The following XRN1 variants were observed in gnomAD, a reference collection of about 807,000 sequenced individuals.
The protein encoded by XRN1 is strand-exchange protein 1 homolog.
A neutral mutation model predicts 222.3 loss-of-function variants in XRN1; 67 were observed. The ratio of observed to expected loss-of-function variants is 0.30; its 90% CI spans 0.25 to 0.37. XRN1 has a LOEUF of 0.37. XRN1 is among the 10% of genes least tolerant of loss of function. XRN1 has a pLI of 1.00. For missense variants in XRN1, 1,707 were observed against 2,000.2 expected, an observed-to-expected ratio of 0.85 and a Z score of 2.80; for synonymous variants, 643 against 652.4, an observed-to-expected ratio of 0.99 and a Z score of 0.22.
At chr3:142,317,894 C>T (rs2065251195) in intron 39 of XRN1, among the ~76,000 whole-genome samples, 2 of 149,380 alleles carry the variant, frequency 1.3e-5, no homozygotes, top group African/African-American at 5.0e-5. Context: ...TTTCTCAACA[C>T]AAACTCTTTT....
Position 142,345,144 on chromosome 3 carries a change from C to T in XRN1, c.3877+2090G>A, listed in dbSNP as rs767484832. Reference sequence around the variant, plus strand: ...TGAGATGGTGTCTTAATATGTTTCCCGGGCTGGACTCAAACTCCTGGGTTC... The same window carrying T: ...TGAGATGGTGTCTTAATATGTTTCCTGGGCTGGACTCAAACTCCTGGGTTC... On this transcript the variant is annotated intron_variant, in intron 33 of 40. Transcript: ENST00000392981. 5.9e-5 allele frequency among the ~76,000 whole-genome samples: 9 copies of T among 152,198 alleles called. No individual in the cohort carries two copies. In the South Asian group the frequency reaches 8.3e-4, roughly 14 times the overall value.
At chr3:142,398,747 T>C (rs369162673) in intron 19 of XRN1, among the ~76,000 whole-genome samples, 21 of 152,144 alleles carry the variant, frequency 1.4e-4, no homozygotes, top group Non-Finnish European at 4.4e-5. Context: ...ACAGGAAATA[T>C]GTGGGATAGA....
chr3:142,343,784 T>A (rs946385453), intron 33 of XRN1, among the ~76,000 whole-genome samples: 1 of 152,174 alleles, frequency 6.6e-6, no homozygotes, highest in South Asian at 2.1e-4. Context: ...ATCTCCACTT[T>A]CATGTTTGTT....
intron 23 of XRN1, among the ~76,000 whole-genome samples, chr3:142,377,602 A>G (rs1461896249): frequency 6.6e-6 from 1 of 152,160 alleles, no homozygotes; most frequent in Non-Finnish European, 1.5e-5. Flanking sequence ...GTCCTGCCCA[A>G]ATTGCCAACA....
chr3:142,399,813 A>G (rs1168681222), intron 19 of XRN1, among the ~76,000 whole-genome samples: 2 of 150,026 alleles, frequency 1.3e-5, no homozygotes, highest in African/African-American at 2.5e-5. Context: ...AAAAAAAAAA[A>G]GACATTTCGG....
At chr3:142,414,866 T>C (rs1359082551) in intron 13 of XRN1, among the ~76,000 whole-genome samples, 5 of 152,218 alleles carry the variant, frequency 3.3e-5, no homozygotes, top group Non-Finnish European at 4.4e-5. Flanking sequence ...GAAAAACACG[T>C]ATAATGTAAT....
chr3:142,371,110 A>C, intron 26 of XRN1, 129 bp downstream of exon 26: 7 of 771,150 alleles, frequency 9.1e-6, no homozygotes, highest in Admixed American at 2.9e-5. Flanking sequence ...CATTCGGGCA[A>C]GAGAGTAAGA....
chr3:142,333,797 T>A (rs935929374), intron 34 of XRN1, among the ~76,000 whole-genome samples: 1 of 152,256 alleles, frequency 6.6e-6, no homozygotes, highest in South Asian at 2.1e-4. Flanking sequence ...AGAAGACGCA[T>A]CATCTGCAAG....
chr3:142,362,447 A>T (rs900638333), intron 29 of XRN1, among the ~76,000 whole-genome samples: 1 of 151,216 alleles, frequency 6.6e-6, no homozygotes, highest in African/African-American at 2.4e-5. Flanking sequence ...TAATTTTTGT[A>T]TTTTTAGTAG....
intron 33 of XRN1, among the ~76,000 whole-genome samples, chr3:142,345,636 T>C (rs1394548521): frequency 6.6e-6 from 1 of 152,010 alleles, no homozygotes; most frequent in Admixed American, 6.6e-5. Context: ...TGGGAGAAAA[T>C]ATTTGCAAAT....
At chr3:142,430,846 A>G (rs1014024956) in intron 2 of XRN1, among the ~76,000 whole-genome samples, 1 of 152,180 alleles carries the variant, frequency 6.6e-6, no homozygotes, top group Non-Finnish European at 1.5e-5. Context: ...AATATTCCAC[A>G]TGTCCAGGAA....
intron 31 of XRN1, 64 bp from the exon 32 acceptor site, chr3:142,355,560 A>G (rs996728174): frequency 9.2e-7 from 1 of 1,083,162 alleles, no homozygotes; most frequent in Non-Finnish European, 1.3e-6. Context: ...ACATATTAAA[A>G]ATCAAATAAT....
chr3:142,346,817 C>A (rs530119581), intron 33 of XRN1, among the ~76,000 whole-genome samples: 4 of 152,096 alleles, frequency 2.6e-5, no homozygotes, highest in Middle Eastern at 3.2e-3. Flanking sequence ...TGGTTGAATC[C>A]ATGGATGTGG....
rs2065000086 is a variant in XRN1, at chr3:142,307,857, A to G, written c.*3654T>C. 1 of 152,210 alleles carries G rather than the reference A, an allele frequency of 6.6e-6. No individual in the cohort carries two copies. The highest frequency in any genetic ancestry group is 1.5e-5 in the Non-Finnish European group (1 of 68,024). The allele number at this position is 152,210 out of a possible 1,614,324, so 9.4% of individuals were successfully genotyped here. ...AGTACTATAATTTATCTCTAGAAAA[A>G]TGACAAATGAACTTCTGCAATTGAT... On this transcript the variant is annotated 3_prime_UTR_variant, in exon 41 of 41. Transcript: ENST00000392981.
At chr3:142,398,008 G>C (rs1465958223) in intron 19 of XRN1, among the ~76,000 whole-genome samples, 1 of 152,134 alleles carries the variant, frequency 6.6e-6, no homozygotes, top group East Asian at 1.9e-4. Context: ...TTGGGAGGCT[G>C]AGATGTGAGG....
At chr3:142,441,063 C>T (rs2070187980) in intron 1 of XRN1, among the ~76,000 whole-genome samples, 1 of 152,208 alleles carries the variant, frequency 6.6e-6, no homozygotes, top group Non-Finnish European at 1.5e-5. Context: ...TTCCTCGCCA[C>T]CTGTGGCTAC....
intron 29 of XRN1, among the ~76,000 whole-genome samples, chr3:142,361,963 C>CA (rs2066648929): frequency 1.9e-5 from 1 of 51,678 alleles, no homozygotes; most frequent in Non-Finnish European, 3.3e-5. Flanking sequence ...CTTTTTCTCT[C>CA]TTTTTTTTTT....
At chr3:142,352,527 T>C (rs925194818) in intron 32 of XRN1, among the ~76,000 whole-genome samples, 1 of 151,730 alleles carries the variant, frequency 6.6e-6, no homozygotes, top group African/African-American at 2.4e-5. Context: ...CCATTTATGT[T>C]TATATTCCCT....
chr3:142,389,190 G>A (rs2067623873), intron 20 of XRN1, among the ~76,000 whole-genome samples: 1 of 152,174 alleles, frequency 6.6e-6, no homozygotes, highest in Non-Finnish European at 1.5e-5. Flanking sequence ...TCTGGCTTGG[G>A]TGACAGAGCG....
Sources: allele counts gnomAD v4.1 joint callset (sites outside exome capture counted in the v4.1 genomes callset), GRCh38; gene constraint gnomAD v4.1.1; transcripts MANE v1.5; gene names NCBI Gene and HGNC (gene_info 2026-07-23, HGNC 2026-07-21).